Variants in EML2 observed in about 807,000 individuals in gnomAD.
The protein encoded by EML2 is echinoderm microtubule-associated protein-like 2.
EML2 carries 59 observed loss-of-function variants against 84.7 expected under a neutral mutation model. That is an observed-to-expected ratio of 0.70 (90% CI 0.56 to 0.86). The LOEUF is 0.86. Ranked by LOEUF, EML2 falls within the 40% of genes least tolerant of loss-of-function variation. The probability of loss-of-function intolerance (pLI) is 0.00; values close to 1 mark genes in which losing one functional copy is unlikely to be tolerated. For synonymous variants in EML2, 352 were observed against 348.9 expected (o/e 1.01, Z -0.10); for missense variants, 818 against 855.6 (o/e 0.96, Z 0.55).
chr19:45,621,936 T>G (rs1331349876), intron 9 of EML2, among the ~76,000 whole-genome samples: 1 of 151,794 alleles, frequency 6.6e-6, no homozygotes, highest in Non-Finnish European at 1.5e-5. Context: ...TAGAGATGGG[T>G]TTCACCATGT....
At position 45,609,516 on chromosome 19, in the gene EML2, T is replaced by C; in HGVS notation, c.*147A>G. ...GACTCCCTCTTCCCACCCGGATAAA[T>C]AGAGACTTCTGTATGTCAGTCTACC... On this transcript the variant is annotated 3_prime_UTR_variant, in exon 19 of 19. Transcript: ENST00000245925. 1 of 878,484 alleles carries C rather than the reference T, an allele frequency of 1.1e-6. No homozygotes were observed. Among genetic ancestry groups the C allele is most frequent in the South Asian group, 3.4e-5 (1 of 29,586 alleles). 54.4% of individuals were successfully genotyped at this position (878,484 alleles called of 1,614,324 possible). A position where few individuals can be genotyped will look rare whatever the true frequency, so the allele number is the denominator to read the frequency against.
At chr19:45,614,181 T>C (rs1032907834) in intron 17 of EML2, among the ~76,000 whole-genome samples, 17 of 152,108 alleles carry the variant, frequency 1.1e-4, no homozygotes, top group African/African-American at 1.4e-4. Flanking sequence ...CCACCCTGGG[T>C]TTCCCTGTCT....
At chr19:45,632,291 G>C (rs1973146593) in intron 6 of EML2, among the ~76,000 whole-genome samples, 1 of 150,960 alleles carries the variant, frequency 6.6e-6, no homozygotes, top group African/African-American at 2.4e-5. Flanking sequence ...GGGTTCAAGC[G>C]ATTCTCCTGC....
At chr19:45,613,233 T>C (rs997395656) in intron 18 of EML2, among the ~76,000 whole-genome samples, 1 of 152,188 alleles carries the variant, frequency 6.6e-6, no homozygotes. Flanking sequence ...GATCTGGTTG[T>C]ATATCCTGTG....
At chr19:45,614,867 C>G in intron 16 of EML2, 167 bp from the exon 17 acceptor site, 1 of 595,524 alleles carries the variant, frequency 1.7e-6, no homozygotes, top group Non-Finnish European at 3.0e-6. Flanking sequence ...CTGGGGTCTT[C>G]ACAGCCCGCA....
chr19:45,621,911 A>G (rs952486718), intron 9 of EML2, among the ~76,000 whole-genome samples: 1 of 150,636 alleles, frequency 6.6e-6, no homozygotes, highest in African/African-American at 2.5e-5. Flanking sequence ...TGCCTGGCGA[A>G]TTTTTTGTTT....
intron 6 of EML2, among the ~76,000 whole-genome samples, chr19:45,632,276 C>T (rs1973143710): frequency 6.6e-6 from 1 of 151,938 alleles, no homozygotes; most frequent in African/African-American, 2.4e-5. Context: ...CAAACTCCCC[C>T]TCCCGGGTTC....
chr19:45,631,557 T>A (rs765916411), intron 6 of EML2, among the ~76,000 whole-genome samples: 3 of 151,882 alleles, frequency 2.0e-5, no homozygotes, highest in Non-Finnish European at 4.4e-5. Flanking sequence ...TAGCTGGGAT[T>A]ACCACACCCA....
intron 9 of EML2, 110 bp downstream of exon 9, chr19:45,624,609 G>A (rs536949900): frequency 6.4e-5 from 48 of 751,094 alleles, no homozygotes; most frequent in South Asian, 5.3e-4. Context: ...TGTTGGAATC[G>A]GACATCCATT....
Position 45,639,376 on chromosome 19 carries a change from TGGC to T in EML2, c.-3_-1del. 1 of 1,256,332 alleles carries T rather than the reference TGGC, an allele frequency of 8.0e-7. No homozygotes were observed. Among genetic ancestry groups the T allele is most frequent in the Non-Finnish European group, 1.0e-6 (1 of 992,572 alleles). The allele number at this position is 1,256,332 out of a possible 1,614,324, so 77.8% of individuals were successfully genotyped here. Reference sequence around the variant, plus strand: ...TCTCACCCAGCTCCAAAGCTACTCATGGCGGCGGGTGGCGGAGCTTCGGGGCCG... The same window carrying T: ...TCTCACCCAGCTCCAAAGCTACTCATGGCGGGTGGCGGAGCTTCGGGGCCG... On this transcript the variant is annotated 5_prime_UTR_variant, in exon 1 of 19. Transcript: ENST00000245925.
intron 9 of EML2, among the ~76,000 whole-genome samples, chr19:45,623,855 A>T (rs1220308717): frequency 6.6e-6 from 1 of 151,954 alleles, no homozygotes; most frequent in East Asian, 1.9e-4. Flanking sequence ...CCAGCCTAAA[A>T]ACTTTTAAAA....
chr19:45,644,607 G>A (rs563051706), upstream of EML2: 23 of 436,542 alleles, frequency 5.3e-5, no homozygotes, highest in African/African-American at 1.6e-4. Context: ...CAAGCCCTCC[G>A]CTCCCTCCTG....
At chr19:45,629,311 C>T (rs1021943839) in intron 7 of EML2, among the ~76,000 whole-genome samples, 5 of 150,690 alleles carry the variant, frequency 3.3e-5, no homozygotes, top group South Asian at 2.1e-4. Context: ...TTTTAAGTGC[C>T]AGATTTTCTG....
At chr19:45,639,331 G>A (rs375707418) in intron 1 of EML2, 26 bp downstream of exon 1, 45 of 1,343,958 alleles carry the variant, frequency 3.3e-5, no homozygotes, top group Non-Finnish European at 3.9e-5. Flanking sequence ...AGAGGAGATG[G>A]GGGGTGGTCT....
At chr19:45,619,009 G>A (rs2122645693) in intron 12 of EML2, 51 bp downstream of exon 12, 3 of 1,531,682 alleles carry the variant, frequency 2.0e-6, no homozygotes, top group Non-Finnish European at 2.7e-6. Context: ...TGACACAGGG[G>A]GAAAGGTAGT....
At chr19:45,643,528 G>A, upstream of EML2, 1 of 1,535,056 alleles carries the variant, frequency 6.5e-7, no homozygotes, top group African/African-American at 1.4e-5. Context: ...AAGTGGGAGG[G>A]GCGGAGACCG....
At chr19:45,630,112 C>T (rs1972848403) in intron 6 of EML2, 66 bp from the exon 7 acceptor site, 1 of 1,188,134 alleles carries the variant, frequency 8.4e-7, no homozygotes, top group Admixed American at 1.8e-5. Context: ...CCCCCCATGC[C>T]CACCAAGGCA....
chr19:45,632,312 C>G (rs573948625), intron 6 of EML2, among the ~76,000 whole-genome samples: 3 of 151,922 alleles, frequency 2.0e-5, no homozygotes, highest in South Asian at 2.1e-4. Context: ...CTCAGCCTCC[C>G]GAGTAGCTGG....
chr19:45,643,359 C>G (rs1974762970), upstream of EML2, among the ~76,000 whole-genome samples: 1 of 152,174 alleles, frequency 6.6e-6, no homozygotes, highest in African/African-American at 2.4e-5. Flanking sequence ...AGATGCAGAC[C>G]GGATTGACAA....
Sources: allele counts gnomAD v4.1 joint callset (sites outside exome capture counted in the v4.1 genomes callset), GRCh38; gene constraint gnomAD v4.1.1; transcripts MANE v1.5; gene names NCBI Gene and HGNC (gene_info 2026-07-23, HGNC 2026-07-21).